GADL1: variants seen among roughly 807,000 people sequenced by gnomAD.
GADL1 encodes the protein GAD like acidic amino acid decarboxylase 1.
GADL1 carries 71 observed loss-of-function variants against 69.5 expected under a neutral mutation model. That is an observed-to-expected ratio of 1.02 (90% CI 0.84 to 1.25). GADL1 has a LOEUF of 1.25. Ranked by LOEUF, GADL1 falls within the 50% of genes most tolerant of loss-of-function variation. The pLI is 0.00. For synonymous variants in GADL1, 254 were observed against 214.4 expected (o/e 1.18, Z -1.62); for missense variants, 737 against 631.8 (o/e 1.17, Z -1.79).
chr3:30,777,782 G>A lies in GADL1; in HGVS notation c.1392+397C>T, dbSNP rs192368274. Among the ~76,000 whole-genome samples the A allele has an allele frequency of 5.3e-5, 8 of 152,252 alleles. No homozygotes were observed. In the East Asian group the frequency reaches 1.4e-3, roughly 26 times the overall value. On this transcript the variant is annotated intron_variant, in intron 14 of 14. Transcript: ENST00000282538. ...GGGCCTTTGTTGAAGACAGTCTCAC[G>A]CTTACAAAAAGTATCAGATTTAGAC...
In GADL1 at chr3:30,856,363, G is replaced by T. The variant is rs115878767; in HGVS notation, c.337+652C>A. 9.9e-3 allele frequency among the ~76,000 whole-genome samples: 1,508 copies of T among 152,194 alleles called. 24 individuals carry two copies. Among genetic ancestry groups the T allele is most frequent in the African/African-American group, 0.035 (1,443 of 41,562 alleles). The stretch of plus-strand genomic sequence containing the variant: ...GAACAGGATATTAACAGGTAAGCTA[G>T]AATGGTGCCTCAGTGTAAGATTGAC... On this transcript the variant is annotated intron_variant, in intron 3 of 14. Coordinates refer to ENST00000282538, the MANE Select transcript of GADL1 (RefSeq NM_207359.3).
intron 14 of GADL1, among the ~76,000 whole-genome samples, chr3:30,770,753 T>G (rs1468382777): frequency 2.6e-5 from 4 of 152,116 alleles, no homozygotes; most frequent in Non-Finnish European, 4.4e-5. Context: ...ATTTTAATTT[T>G]CAAGAGATAG....
At chr3:30,784,068 CA>C (rs1450989994) in intron 13 of GADL1, among the ~76,000 whole-genome samples, 1 of 152,098 alleles carries the variant, frequency 6.6e-6, no homozygotes, top group Non-Finnish European at 1.5e-5. Context: ...ATAAAGTGAT[CA>C]AACTCAATTC....
chr3:30,784,352 CCT>C (rs1407860107), intron 13 of GADL1, among the ~76,000 whole-genome samples: 4 of 151,906 alleles, frequency 2.6e-5, no homozygotes, highest in African/African-American at 9.7e-5. Context: ...ATCACTACTC[CCT>C]CTGTTTTCCT....
rs1288607576 is a variant in GADL1 at position 30,856,120 on chromosome 3, GCTAA to G, written c.337+891_337+894del. On this transcript the variant is annotated intron_variant, in intron 3 of 14. Transcript: ENST00000282538. Reference sequence around the variant, plus strand: ...AGATACATATCTCTGCTTTTGAAATGCTAACTGAGTTTTTGATACATACACCAGA... The same window carrying G: ...AGATACATATCTCTGCTTTTGAAATGCTGAGTTTTTGATACATACACCAGA... Among the ~76,000 whole-genome samples, 13 of 152,112 alleles carry G rather than the reference GCTAA, an allele frequency of 8.5e-5. No homozygotes were observed. In the South Asian group the frequency reaches 2.5e-3, roughly 29 times the overall value.
intron 3 of GADL1, among the ~76,000 whole-genome samples, chr3:30,855,081 A>T (rs1308849327): frequency 6.6e-6 from 1 of 152,076 alleles, no homozygotes; most frequent in Admixed American, 6.6e-5. Flanking sequence ...CTCCATATGC[A>T]CAGCTACGTA....
chr3:30,782,532 G>C (rs1575202634), intron 13 of GADL1, among the ~76,000 whole-genome samples: 1 of 152,122 alleles, frequency 6.6e-6, no homozygotes, highest in African/African-American at 2.4e-5. Context: ...TAGAAATGTT[G>C]AATTTGAGGT....
chr3:30,877,609 A>G (rs1195555684), intron 1 of GADL1, among the ~76,000 whole-genome samples: 2 of 151,942 alleles, frequency 1.3e-5, no homozygotes, highest in Non-Finnish European at 2.9e-5. Context: ...GAAAAATCAG[A>G]TACATCATAA....
chr3:30,769,573 A>G (rs879807496), intron 14 of GADL1, among the ~76,000 whole-genome samples: 124 of 152,014 alleles, frequency 8.2e-4, no homozygotes, highest in Admixed American at 1.5e-3. Context: ...TACAAAGAAC[A>G]TCTAGGAAGA....
intron 13 of GADL1, among the ~76,000 whole-genome samples, chr3:30,784,247 C>T (rs960100911): frequency 1.3e-5 from 2 of 152,176 alleles, no homozygotes; most frequent in East Asian, 1.9e-4. Flanking sequence ...ACAAGAATTA[C>T]TTTTTACAGT....
intron 11 of GADL1, among the ~76,000 whole-genome samples, chr3:30,816,444 C>A (rs138351211): frequency 1.3e-5 from 2 of 150,900 alleles, no homozygotes; most frequent in African/African-American, 4.9e-5. Flanking sequence ...CCCAGCACAT[C>A]GTTCCCTAGC....
chr3:30,821,187 G>A (rs1697572372), intron 11 of GADL1, among the ~76,000 whole-genome samples: 1 of 151,966 alleles, frequency 6.6e-6, no homozygotes, highest in Non-Finnish European at 1.5e-5. Flanking sequence ...GTGGGGAGGC[G>A]GGGAGAGAGG....
chr3:30,893,071 G>A (rs1252661376), intron 1 of GADL1, among the ~76,000 whole-genome samples: 1 of 152,176 alleles, frequency 6.6e-6, no homozygotes, highest in African/African-American at 2.4e-5. Flanking sequence ...GGCCAGGCTG[G>A]TCTCAAACTC....
intron 11 of GADL1, among the ~76,000 whole-genome samples, chr3:30,811,269 TTAA>T (rs767941771): frequency 6.6e-6 from 1 of 152,172 alleles, no homozygotes; most frequent in Non-Finnish European, 1.5e-5. Flanking sequence ...GAAATGCAAC[TTAA>T]TAATTTTAAA....
intron 11 of GADL1, among the ~76,000 whole-genome samples, chr3:30,805,385 A>G (rs1321045072): frequency 6.6e-6 from 1 of 152,178 alleles, no homozygotes; most frequent in African/African-American, 2.4e-5. Context: ...GAGGCTGGTG[A>G]AAAGGAAAAT....
intron 14 of GADL1, among the ~76,000 whole-genome samples, chr3:30,766,567 C>T (rs111712260): frequency 4.8e-4 from 72 of 149,420 alleles, no homozygotes; most frequent in African/African-American, 1.6e-3. Context: ...TTTTTTTTCT[C>T]TTAATGAGGA....
intron 14 of GADL1, among the ~76,000 whole-genome samples, chr3:30,769,327 G>A (rs1030500049): frequency 6.6e-6 from 1 of 152,064 alleles, no homozygotes; most frequent in Non-Finnish European, 1.5e-5. Context: ...TGACAGTGCT[G>A]TATCCTTATC....
chr3:30,819,757 A>ATT (rs1697537902), intron 11 of GADL1, among the ~76,000 whole-genome samples: 1 of 152,262 alleles, frequency 6.6e-6, no homozygotes, highest in Admixed American at 6.5e-5. Flanking sequence ...AAAAATTAAG[A>ATT]TTTCAGGCAG....
chr3:30,771,305 A>C (rs893453492), intron 14 of GADL1, among the ~76,000 whole-genome samples: 6 of 152,174 alleles, frequency 3.9e-5, no homozygotes, highest in African/African-American at 1.4e-4. Flanking sequence ...TAAGAACAAA[A>C]CTGATAACCA....
Sources: gnomAD v4.1 joint callset for allele counts (sites outside exome capture counted in the v4.1 genomes callset) on GRCh38, gnomAD v4.1.1 for gene constraint, MANE v1.5 for transcripts, NCBI Gene and HGNC (gene_info 2026-07-23, HGNC 2026-07-21) for gene names.